The following SCHIP1 variants were observed in gnomAD, a reference collection of about 807,000 sequenced individuals.
SCHIP1 encodes the protein schwannomin-interacting protein 1.
SCHIP1 carries 8 observed loss-of-function variants against 29.7 expected under a neutral mutation model. That is an observed-to-expected ratio of 0.27 (90% CI 0.16 to 0.49). The LOEUF is 0.49. Among genes scored for constraint, SCHIP1 ranks in the 20% least tolerant of loss-of-function variants. SCHIP1 has a pLI of 0.99. For synonymous variants in SCHIP1, 76 were observed against 94.9 expected (o/e 0.80, Z 1.16); for missense variants, 193 against 294.6 (o/e 0.66, Z 2.52).
At chr3:159,828,409 G>GTATATATACGTA in the SCHIP1 span, among the ~76,000 whole-genome samples, 2 of 31,810 alleles carry the variant, frequency 6.3e-5, no homozygotes, top group Non-Finnish European at 5.0e-5. Flanking sequence ...ATATATATAC[G>GTATATATACGTA]TATATATACG....
chr3:159,561,398 AAC>A, the SCHIP1 span, among the ~76,000 whole-genome samples: 3 of 152,222 alleles, frequency 2.0e-5, no homozygotes, highest in African/African-American at 7.2e-5. Context: ...ATCTTTCTTA[AAC>A]ACCTTGCAGT....
chr3:159,601,246 C>A, the SCHIP1 span, among the ~76,000 whole-genome samples: 598 of 152,288 alleles, frequency 3.9e-3, 4 homozygotes, highest in Non-Finnish European at 3.8e-3. Flanking sequence ...AGTGGTGGGA[C>A]TACCCTCTGG....
At chr3:159,838,618 C>T (rs1186343925), upstream of SCHIP1, among the ~76,000 whole-genome samples, 1 of 152,078 alleles carries the variant, frequency 6.6e-6, no homozygotes, top group African/African-American at 2.4e-5. Flanking sequence ...GGGCCAGGCG[C>T]GGTGGCTCAC....
chr3:159,620,115 G>T, the SCHIP1 span, among the ~76,000 whole-genome samples: 2 of 152,158 alleles, frequency 1.3e-5, no homozygotes, highest in African/African-American at 4.8e-5. Context: ...ATAGACCAGT[G>T]CCTCTGTCAC....
At chr3:159,667,401 A>G in the SCHIP1 span, among the ~76,000 whole-genome samples, 1 of 152,344 alleles carries the variant, frequency 6.6e-6, no homozygotes, top group South Asian at 2.1e-4. Flanking sequence ...CTATTAGGTT[A>G]GCAATAGTTT....
the SCHIP1 span, among the ~76,000 whole-genome samples, chr3:159,471,426 G>T: frequency 1.3e-5 from 2 of 151,956 alleles, no homozygotes; most frequent in Non-Finnish European, 1.5e-5. Flanking sequence ...TTTCCATTTA[G>T]ATTTATAACT....
chr3:159,674,037 C>T, the SCHIP1 span, among the ~76,000 whole-genome samples: 3,846 of 152,166 alleles, frequency 0.025, 156 homozygotes, highest in African/African-American at 0.085. Flanking sequence ...TACCTGAAAC[C>T]GTCTCTTTAC....
the SCHIP1 span, among the ~76,000 whole-genome samples, chr3:159,771,908 A>G: frequency 2.0e-5 from 3 of 152,142 alleles, no homozygotes; most frequent in African/African-American, 7.2e-5. Flanking sequence ...GACCTTCAAG[A>G]CATCCTCAGG....
At chr3:159,821,112 A>G in the SCHIP1 span, among the ~76,000 whole-genome samples, 1 of 152,228 alleles carries the variant, frequency 6.6e-6, no homozygotes, top group South Asian at 2.1e-4. Context: ...TTAATGAAGG[A>G]AAAGAACCAG....
the SCHIP1 span, among the ~76,000 whole-genome samples, chr3:159,604,177 A>G: frequency 6.6e-6 from 1 of 152,148 alleles, no homozygotes; most frequent in South Asian, 2.1e-4. Flanking sequence ...ATTTTTTGGC[A>G]ATTTTCCAGA....
the SCHIP1 span, among the ~76,000 whole-genome samples, chr3:159,431,187 G>A: frequency 6.6e-6 from 1 of 152,138 alleles, no homozygotes; most frequent in African/African-American, 2.4e-5. Flanking sequence ...GGAGCTAGGA[G>A]AGGACCAGAA....
chr3:159,301,289 G>A, the SCHIP1 span, among the ~76,000 whole-genome samples: 1 of 152,110 alleles, frequency 6.6e-6, no homozygotes, highest in African/African-American at 2.4e-5. Context: ...TTCAAACCTG[G>A]TTAGTCTTGT....
At chr3:159,531,514 C>T in the SCHIP1 span, among the ~76,000 whole-genome samples, 1 of 152,142 alleles carries the variant, frequency 6.6e-6, no homozygotes, top group Non-Finnish European at 1.5e-5. Context: ...AGATAGCTTA[C>T]ATACAAAAGA....
the SCHIP1 span, among the ~76,000 whole-genome samples, chr3:159,493,558 T>C: frequency 2.0e-5 from 3 of 152,016 alleles, no homozygotes; most frequent in African/African-American, 7.2e-5. Context: ...CTAACTATCC[T>C]AAATATATAT....
At chr3:159,632,892 C>A in the SCHIP1 span, among the ~76,000 whole-genome samples, 1 of 152,136 alleles carries the variant, frequency 6.6e-6, no homozygotes, top group Admixed American at 6.5e-5. Context: ...TGTTAAGGGG[C>A]ACATGTGGGA....
the SCHIP1 span, among the ~76,000 whole-genome samples, chr3:159,357,064 T>A: frequency 6.6e-6 from 1 of 152,190 alleles, no homozygotes; most frequent in African/African-American, 2.4e-5. Context: ...TTTGGTTAGA[T>A]CAAATTTAAG....
chr3:159,888,631 C>A, intron 4 of SCHIP1, 189 bp from the exon 6 acceptor site: 1 of 642,002 alleles, frequency 1.6e-6, no homozygotes, highest in Admixed American at 3.8e-5. Context: ...GTTTTGATGC[C>A]AGTTGCATAT....
At chr3:159,445,621 C>G in the SCHIP1 span, among the ~76,000 whole-genome samples, 2 of 152,088 alleles carry the variant, frequency 1.3e-5, no homozygotes, top group Non-Finnish European at 2.9e-5. Flanking sequence ...AGACTTGGAA[C>G]CAACCCAAAT....
chr3:159,571,680 G>C, the SCHIP1 span, among the ~76,000 whole-genome samples: 21 of 152,158 alleles, frequency 1.4e-4, no homozygotes, highest in Admixed American at 5.9e-4. Context: ...TCTATTGATT[G>C]GAATAGTTTC....
Sources: gnomAD v4.1 joint callset for allele counts (sites outside exome capture counted in the v4.1 genomes callset) on GRCh38, gnomAD v4.1.1 for gene constraint, MANE v1.5 for transcripts, NCBI Gene and HGNC (gene_info 2026-07-23, HGNC 2026-07-21) for gene names.